Variants in LRP1B observed in about 807,000 individuals in gnomAD.
LRP1B encodes the protein LDL receptor related protein 1B.
LRP1B carries 217 observed loss-of-function variants against 556.6 expected under a neutral mutation model. The observed-to-expected ratio is 0.39, with a 90% CI of 0.35 to 0.44. LRP1B has a LOEUF of 0.44. LRP1B is among the 20% of genes least tolerant of loss of function. LRP1B has a pLI of 1.00. For synonymous variants in LRP1B, 2,047 were observed against 1,865.8 expected (o/e 1.10, Z -2.50); for missense variants, 5,053 against 5,620.8 (o/e 0.90, Z 3.23).
intron 32 of LRP1B, among the ~76,000 whole-genome samples, chr2:140,811,483 C>T (rs1026541314): frequency 5.3e-5 from 8 of 152,168 alleles, no homozygotes; most frequent in East Asian, 3.9e-4. Context: ...TAAAAGTCAC[C>T]GACTTTCCTT....
intron 3 of LRP1B, among the ~76,000 whole-genome samples, chr2:141,426,478 C>G (rs1680367878): frequency 6.6e-6 from 1 of 152,054 alleles, no homozygotes; most frequent in South Asian, 2.1e-4. Context: ...TAATCAAGTC[C>G]TGATTTGGGC....
chr2:141,086,626 G>A (rs1340158180), intron 7 of LRP1B, among the ~76,000 whole-genome samples: 1 of 49,508 alleles, frequency 2.0e-5, no homozygotes, highest in African/African-American at 4.8e-5. Flanking sequence ...ATTTGTGTGT[G>A]TGTGTGTGTG....
chr2:140,693,344 G>T (rs1574248469), intron 41 of LRP1B, among the ~76,000 whole-genome samples: 1 of 151,990 alleles, frequency 6.6e-6, no homozygotes, highest in East Asian at 1.9e-4. Flanking sequence ...TAGAAACAGG[G>T]TCTCACTCTG....
At chr2:141,293,625 C>CT (rs376533625) in intron 3 of LRP1B, among the ~76,000 whole-genome samples, 9,809 of 137,116 alleles carry the variant, frequency 0.072, 365 homozygotes, top group South Asian at 0.11. Context: ...TCACTACATT[C>CT]TTTTTTTTTT....
At chr2:141,661,433 TA>T (rs1241517532) in intron 2 of LRP1B, among the ~76,000 whole-genome samples, 1 of 152,126 alleles carries the variant, frequency 6.6e-6, no homozygotes, top group South Asian at 2.1e-4. Context: ...AGAACCATGA[TA>T]AAACATTACA....
chr2:141,957,151 T>C (rs192492983), intron 1 of LRP1B, among the ~76,000 whole-genome samples: 1 of 152,042 alleles, frequency 6.6e-6, no homozygotes, highest in East Asian at 1.9e-4. Context: ...TTGTATACTT[T>C]TCACTTTTTC....
Position 141,750,629 on chromosome 2 carries a change from C to G in LRP1B, c.205+59650G>C, listed in dbSNP as rs575839465. Among the ~76,000 whole-genome samples the G allele has an allele frequency of 1.1e-3, 164 of 152,164 alleles. 1 individual carries two copies. The highest frequency in any genetic ancestry group is 2.2e-4 in the Non-Finnish European group (15 of 67,974). ...AAAACACCATAAATTTCCTCTTCTT[C>G]TATTTGATTATAATGAATAAAGCAA... On this transcript the variant is annotated intron_variant, in intron 2 of 90. Coordinates refer to ENST00000389484, the MANE Select transcript of LRP1B (RefSeq NM_018557.3).
chr2:141,855,043 C>T (rs1283569440), intron 1 of LRP1B, among the ~76,000 whole-genome samples: 1 of 151,862 alleles, frequency 6.6e-6, no homozygotes, highest in Non-Finnish European at 1.5e-5. Context: ...AAAAAATGAA[C>T]GAAATTTTGT....
intron 85 of LRP1B, among the ~76,000 whole-genome samples, chr2:140,270,622 A>G (rs981821197): frequency 6.6e-6 from 1 of 151,896 alleles, no homozygotes; most frequent in African/African-American, 2.4e-5. Context: ...GAAAAAATAT[A>G]CTCTAATATC....
At chr2:140,535,363 C>T (rs1291481513) in intron 46 of LRP1B, among the ~76,000 whole-genome samples, 3 of 152,010 alleles carry the variant, frequency 2.0e-5, no homozygotes, top group Non-Finnish European at 2.9e-5. Flanking sequence ...TTCATTAAAG[C>T]GAATATGTTG....
At chr2:141,885,843 A>C (rs1417307224) in intron 1 of LRP1B, among the ~76,000 whole-genome samples, 1 of 152,212 alleles carries the variant, frequency 6.6e-6, no homozygotes, top group Non-Finnish European at 1.5e-5. Flanking sequence ...GTGGTAAATA[A>C]AAGTAAGGAT....
At chr2:142,106,721 A>G (rs1236483075) in intron 1 of LRP1B, among the ~76,000 whole-genome samples, 1 of 152,180 alleles carries the variant, frequency 6.6e-6, no homozygotes, top group Admixed American at 6.6e-5. Context: ...AGTCTAGAGT[A>G]TAATAATCAG....
intron 51 of LRP1B, among the ~76,000 whole-genome samples, chr2:140,512,172 T>C (rs1037316024): frequency 3.3e-5 from 5 of 152,328 alleles, no homozygotes; most frequent in African/African-American, 1.2e-4. Context: ...TGAAGACTAG[T>C]GTCTGAATTA....
chr2:141,753,263 C>CTCTCTCTCTCTCTCTCTCTCT (rs533996017), intron 2 of LRP1B, among the ~76,000 whole-genome samples: 1 of 62,500 alleles, frequency 1.6e-5, no homozygotes, highest in African/African-American at 6.0e-5. Context: ...TCTCTCTCTC[C>CTCTCTCTCTCTCTCTCTCTCT]ATATATATAT....
At chr2:142,104,127 A>G (rs558127710) in intron 1 of LRP1B, among the ~76,000 whole-genome samples, 19 of 152,262 alleles carry the variant, frequency 1.2e-4, no homozygotes, top group African/African-American at 4.6e-4. Flanking sequence ...AAGATGACAC[A>G]CACCTTAGTG....
chr2:140,569,389 AACCC>A (rs780169811), intron 43 of LRP1B, among the ~76,000 whole-genome samples: 56 of 151,870 alleles, frequency 3.7e-4, no homozygotes, highest in African/African-American at 1.3e-3. Flanking sequence ...ACGCAAACAA[AACCC>A]AAAAGTGAGC....
chr2:140,875,852 C>CT (rs1357644325), intron 25 of LRP1B, among the ~76,000 whole-genome samples: 2 of 152,148 alleles, frequency 1.3e-5, no homozygotes, highest in South Asian at 4.1e-4. Flanking sequence ...TCTAATATGA[C>CT]TTTGTGTACA....
At position 140,338,782 on chromosome 2, in the gene LRP1B, G is replaced by C. The variant is rs151114540; in HGVS notation, c.11893-2944C>G. 7.9e-5 allele frequency among the ~76,000 whole-genome samples: 12 copies of C among 151,814 alleles called. No individual in the cohort carries two copies. In the East Asian group the frequency reaches 2.1e-3, roughly 27 times the overall value. ...AAATGAAGATTGACATGGGAAAACA[G>C]AACAGGAGAGCTAAGCTACTTGCCT... On this transcript the variant is annotated intron_variant, in intron 77 of 90. Transcript: ENST00000389484.
At chr2:141,889,274 T>G (rs1352675453) in intron 1 of LRP1B, among the ~76,000 whole-genome samples, 1 of 152,134 alleles carries the variant, frequency 6.6e-6, no homozygotes, top group Non-Finnish European at 1.5e-5. Context: ...AGATAAATAT[T>G]ATTCCCAGAA....
Sources: allele counts gnomAD v4.1 joint callset (sites outside exome capture counted in the v4.1 genomes callset), GRCh38; gene constraint gnomAD v4.1.1; transcripts MANE v1.5; gene names NCBI Gene and HGNC (gene_info 2026-07-23, HGNC 2026-07-21).